DIAPH2: variants seen among roughly 807,000 people sequenced by gnomAD.
The protein encoded by DIAPH2 is protein diaphanous homolog 2.
A neutral mutation model predicts 92.7 loss-of-function variants in DIAPH2; 35 were observed. That is an observed-to-expected ratio of 0.38 (90% confidence interval 0.29 to 0.50). The LOEUF (loss-of-function observed/expected upper bound fraction) is 0.50, where lower values mean the gene tolerates loss of function less well. DIAPH2 is among the 20% of genes least tolerant of loss of function. DIAPH2 has a pLI of 0.94. For missense variants in DIAPH2, 701 were observed against 819.5 expected, an observed-to-expected ratio of 0.86 and a Z score of 1.77; for synonymous variants, 301 against 280.4, an observed-to-expected ratio of 1.07 and a Z score of -0.73.
At chrX:97,156,328 C>G (rs1476381436) in intron 22 of DIAPH2, among the ~76,000 whole-genome samples, 2 of 111,848 alleles carry the variant, frequency 1.8e-5, no homozygotes, top group Non-Finnish European at 1.9e-5. Context: ...AAATTTTTCT[C>G]TATGATTGTT....
rs145303129 is a variant in DIAPH2, at chrX:96,991,020, G to A, written c.2050+25813G>A. The stretch of plus-strand genomic sequence containing the variant: ...AAATCATGATAATGGCTCACACATA[G>A]CATTTACTCTGTGCTAAGCATTGTT... On this transcript the variant is annotated intron_variant, in intron 17 of 26. Transcript: ENST00000324765. Among the ~76,000 whole-genome samples the A allele has an allele frequency of 1.4e-3, 154 of 110,772 alleles. 1 individual carries two copies. Among genetic ancestry groups the A allele is most frequent in the African/African-American group, 4.9e-3 (148 of 30,489 alleles).
chrX:97,298,574 G>GTTTT (rs1211384346), intron 23 of DIAPH2, among the ~76,000 whole-genome samples: 1 of 94,994 alleles, frequency 1.1e-5, no homozygotes, highest in African/African-American at 3.9e-5. Context: ...TTATATATGT[G>GTTTT]TTTTTTTCAC....
chrX:96,825,147 G>C (rs2064805860), intron 4 of DIAPH2, among the ~76,000 whole-genome samples: 1 of 105,805 alleles, frequency 9.5e-6, no homozygotes, highest in Non-Finnish European at 1.9e-5. Flanking sequence ...GTACATATGG[G>C]GTTTTGCTGT....
intron 23 of DIAPH2, among the ~76,000 whole-genome samples, chrX:97,301,824 G>A (rs1325377879): frequency 1.8e-5 from 2 of 111,349 alleles, no homozygotes; most frequent in Non-Finnish European, 3.8e-5. Context: ...CATAGCATTA[G>A]CTTATCTGTT....
intron 23 of DIAPH2, among the ~76,000 whole-genome samples, chrX:97,271,645 A>G (rs1263597091): frequency 1.8e-5 from 2 of 110,809 alleles, no homozygotes; most frequent in Non-Finnish European, 3.8e-5. Context: ...TAATATTATT[A>G]TTATAGTGGA....
intron 23 of DIAPH2, among the ~76,000 whole-genome samples, chrX:97,275,737 G>A (rs1401601176): frequency 5.6e-5 from 6 of 107,409 alleles, no homozygotes; most frequent in African/African-American, 1.4e-4. Flanking sequence ...GGGCAGAGAC[G>A]CTCCTCACTT....
intron 22 of DIAPH2, among the ~76,000 whole-genome samples, chrX:97,157,687 G>A (rs774856330): frequency 1.3e-4 from 14 of 111,236 alleles, no homozygotes; most frequent in Middle Eastern, 4.6e-3. Context: ...TCTTTCTTGC[G>A]CAAGATCCAA....
chrX:97,127,165 A>G (rs192201475), intron 21 of DIAPH2, among the ~76,000 whole-genome samples: 162 of 103,216 alleles, frequency 1.6e-3, no homozygotes, highest in African/African-American at 6.7e-3. Context: ...CACAAAAGTC[A>G]AATAATTTCC....
At chrX:97,196,700 A>G (rs190559769) in intron 22 of DIAPH2, among the ~76,000 whole-genome samples, 3 of 111,762 alleles carry the variant, frequency 2.7e-5, no homozygotes, top group Non-Finnish European at 3.8e-5. Context: ...CGCAATTTCT[A>G]TATTGAGAGT....
At chrX:96,816,833 T>G (rs1036824740) in intron 4 of DIAPH2, among the ~76,000 whole-genome samples, 1 of 112,486 alleles carries the variant, frequency 8.9e-6, no homozygotes, top group Non-Finnish European at 1.9e-5. Context: ...TAAGTGTTCA[T>G]GAACAGATGA....
intron 26 of DIAPH2, among the ~76,000 whole-genome samples, chrX:97,493,994 A>C (rs890164160): frequency 6.4e-5 from 7 of 109,058 alleles, no homozygotes; most frequent in Non-Finnish European, 1.1e-4. Flanking sequence ...AGATGCGTGA[A>C]TCACTTGAGG....
chrX:96,693,445 G>A (rs142966213), intron 1 of DIAPH2, among the ~76,000 whole-genome samples: 1,936 of 112,354 alleles, frequency 0.017, 35 homozygotes, highest in African/African-American at 0.059. Context: ...AGTCTATTGT[G>A]CTGGCTGAAA....
At chrX:96,804,202 T>C (rs1010342740) in intron 4 of DIAPH2, among the ~76,000 whole-genome samples, 1 of 111,912 alleles carries the variant, frequency 8.9e-6, no homozygotes, top group Non-Finnish European at 1.9e-5. Flanking sequence ...ATCAGCCTTA[T>C]TTGGATGCTC....
intron 17 of DIAPH2, among the ~76,000 whole-genome samples, chrX:97,026,101 CCTAA>C (rs1331711969): frequency 2.7e-5 from 3 of 111,852 alleles, no homozygotes; most frequent in East Asian, 2.8e-4. Flanking sequence ...ATTATGGTTA[CCTAA>C]CTGAGGATAG....
intron 5 of DIAPH2, among the ~76,000 whole-genome samples, chrX:96,904,120 G>T (rs756536053): frequency 8.9e-6 from 1 of 111,808 alleles, no homozygotes; most frequent in Non-Finnish European, 1.9e-5. Context: ...TAGAATAAAC[G>T]CAGCCAGAGA....
intron 23 of DIAPH2, among the ~76,000 whole-genome samples, chrX:97,271,811 A>G (rs2068388386): frequency 2.2e-5 from 1 of 45,803 alleles, no homozygotes; most frequent in Non-Finnish European, 4.4e-5. Context: ...CTATATATAT[A>G]TGCACACACA....
intron 4 of DIAPH2, among the ~76,000 whole-genome samples, chrX:96,828,529 A>G (rs2064829880): frequency 1.8e-5 from 2 of 112,035 alleles, no homozygotes; most frequent in African/African-American, 6.5e-5. Flanking sequence ...AAGAATCACA[A>G]TGCACATTAA....
intron 23 of DIAPH2, among the ~76,000 whole-genome samples, chrX:97,284,540 G>A (rs1469476105): frequency 9.2e-6 from 1 of 108,636 alleles, no homozygotes; most frequent in Non-Finnish European, 1.9e-5. Context: ...AACCCGGGAG[G>A]CGGAGGTTGT....
intron 24 of DIAPH2, among the ~76,000 whole-genome samples, chrX:97,382,662 G>T (rs12387046): frequency 0.38 from 42,074 of 110,255 alleles, 5,830 homozygotes; most frequent in East Asian, 0.62. Context: ...CTAGCCTATT[G>T]CTATGGAGTC....
Sources: allele counts gnomAD v4.1 joint callset (sites outside exome capture counted in the v4.1 genomes callset), GRCh38; gene constraint gnomAD v4.1.1; transcripts MANE v1.5; gene names NCBI Gene and HGNC (gene_info 2026-07-23, HGNC 2026-07-21).